Variants in UGT1A8 observed in about 807,000 individuals in gnomAD.
The protein encoded by UGT1A8 is UDP-glucuronosyltransferase 1A8.
UGT1A8 carries 39 observed loss-of-function variants against 45.3 expected under a neutral mutation model. That is an observed-to-expected ratio of 0.86 (90% confidence interval 0.67 to 1.12). The LOEUF (loss-of-function observed/expected upper bound fraction) is 1.12, where lower values mean the gene tolerates loss of function less well. Among genes scored for constraint, UGT1A8 ranks in the 50% most tolerant of loss-of-function variants. UGT1A8 has a pLI of 0.00. For missense variants in UGT1A8, 719 were observed against 664.9 expected, an observed-to-expected ratio of 1.08 and a Z score of -0.90; for synonymous variants, 275 against 249.2, an observed-to-expected ratio of 1.10 and a Z score of -0.97.
intron 1 of UGT1A8, chr2:233,690,853 CT>C (rs2075018701): frequency 9.4e-7 from 1 of 1,064,618 alleles, no homozygotes; most frequent in Admixed American, 4.9e-5. Flanking sequence ...TTTCTAATAC[CT>C]TCTTAATTTG....
At chr2:233,658,844 G>A (rs909894947) in intron 1 of UGT1A8, among the ~76,000 whole-genome samples, 1 of 152,164 alleles carries the variant, frequency 6.6e-6, no homozygotes, top group Non-Finnish European at 1.5e-5. Flanking sequence ...TGTGAAATAT[G>A]TGATAATTAT....
intron 1 of UGT1A8, among the ~76,000 whole-genome samples, chr2:233,732,038 A>G (rs541263635): frequency 3.5e-4 from 54 of 152,356 alleles, no homozygotes; most frequent in African/African-American, 1.2e-3. Context: ...ATGACCAGTG[A>G]TGATGAGCAT....
Position 233,690,778 on chromosome 2 carries a change from C to T in UGT1A8, c.855+72216C>T, listed in dbSNP as rs80089165. The T allele has an allele frequency of 5.0e-4, 115 of 229,708 alleles. No homozygotes were observed. The African/African-American group carries it at 5.8e-3, about 12-fold the overall frequency. 14.2% of individuals were successfully genotyped at this position (229,708 alleles called of 1,614,324 possible). A position where few individuals can be genotyped will look rare whatever the true frequency, so the allele number is the denominator to read the frequency against. On this transcript the variant is annotated intron_variant, in intron 1 of 4. Coordinates refer to ENST00000373450, the MANE Select transcript of UGT1A8 (RefSeq NM_019076.5). ...GCAGACATACACACACACACACATA[C>T]ACACACACACACACACACACACCAT...
At chr2:233,768,114 G>A (rs763965900) in intron 3 of UGT1A8, 106 bp from the exon 4 acceptor site, 19 of 1,597,766 alleles carry the variant, frequency 1.2e-5, no homozygotes, top group Non-Finnish European at 1.6e-5. Flanking sequence ...TTCTGCAAGG[G>A]CATGTGAGTA....
intron 1 of UGT1A8, among the ~76,000 whole-genome samples, chr2:233,666,349 C>G (rs1325866663): frequency 1.3e-5 from 2 of 152,188 alleles, no homozygotes; most frequent in African/African-American, 4.8e-5. Flanking sequence ...GATAATTCAG[C>G]TATATCATTT....
chr2:233,713,488 C>T (rs758374226), intron 1 of UGT1A8: 11 of 1,613,830 alleles, frequency 6.8e-6, no homozygotes, highest in Admixed American at 5.0e-5. Flanking sequence ...AAGTACCTGT[C>T]GATTCCTGCT....
At chr2:233,640,640 G>A (rs1452873149) in intron 1 of UGT1A8, among the ~76,000 whole-genome samples, 1 of 152,150 alleles carries the variant, frequency 6.6e-6, no homozygotes, top group South Asian at 2.1e-4. Context: ...GGAGAGAACA[G>A]TCTCTTTTTT....
chr2:233,766,840 C>G (rs1430018242), intron 1 of UGT1A8, among the ~76,000 whole-genome samples, 194 bp from the exon 2 acceptor site: 6 of 152,184 alleles, frequency 3.9e-5, no homozygotes, highest in Admixed American at 2.0e-4. Flanking sequence ...AGCAGGAACC[C>G]TTCCTCCTTT....
chr2:233,729,440 A>G (rs2077859052), intron 1 of UGT1A8: 2 of 1,613,960 alleles, frequency 1.2e-6, no homozygotes, highest in Non-Finnish European at 1.7e-6. Context: ...GAAACAGAAC[A>G]TTTTCTGAAG....
At chr2:233,715,759 G>T (rs893076228) in intron 1 of UGT1A8, among the ~76,000 whole-genome samples, 2 of 152,150 alleles carry the variant, frequency 1.3e-5, no homozygotes, top group African/African-American at 4.8e-5. Context: ...GTGACAGAGC[G>T]AGGACCCATC....
chr2:233,747,336 G>C, intron 1 of UGT1A8: 1 of 1,603,642 alleles, frequency 6.2e-7, no homozygotes, highest in South Asian at 1.1e-5. Context: ...GCAGCCACTG[G>C]CTCGCATGCG....
At chr2:233,753,194 GC>G (rs1375850984) in intron 1 of UGT1A8, 1 of 152,080 alleles carries the variant, frequency 6.6e-6, no homozygotes, top group Admixed American at 6.5e-5. Flanking sequence ...TTTTTCAAAA[GC>G]CCTGACAGTC....
At chr2:233,665,469 A>G (rs889508946) in intron 1 of UGT1A8, among the ~76,000 whole-genome samples, 1 of 152,234 alleles carries the variant, frequency 6.6e-6, no homozygotes, top group Non-Finnish European at 1.5e-5. Context: ...GCTGTGGCAA[A>G]GTAGTGCCTT....
In UGT1A8 at chr2:233,647,501, G is replaced by T. The variant is rs1249134541; in HGVS notation, c.855+28939G>T. Among the ~76,000 whole-genome samples the T allele has an allele frequency of 2.0e-5, 3 of 152,196 alleles. No individual in the cohort carries two copies. In the South Asian group the frequency reaches 6.2e-4, roughly 32 times the overall value. On this transcript the variant is annotated intron_variant, in intron 1 of 4. Coordinates refer to ENST00000373450, the MANE Select transcript of UGT1A8 (RefSeq NM_019076.5). ...GTGTTTGGTAGAATTTATCAGTGAA[G>T]TCATCAGAACTTTACCGTTTTGTTT...
intron 1 of UGT1A8, among the ~76,000 whole-genome samples, chr2:233,717,363 T>C (rs2076566761): frequency 6.6e-6 from 1 of 152,216 alleles, no homozygotes; most frequent in Admixed American, 6.5e-5. Context: ...TGGGGAGTTC[T>C]CAAGCCCTTA....
In UGT1A8 at chr2:233,680,430, G is replaced by A. The variant is rs1470427697; in HGVS notation, c.855+61868G>A. Among the ~76,000 whole-genome samples the A allele has an allele frequency of 2.0e-5, 3 of 152,186 alleles. No homozygotes were observed. The East Asian group carries it at 5.8e-4, about 29-fold the overall frequency. ...CAAAATTATTATAGTAGTGTAGTAT[G>A]TACTAGAGGAAAGTGACTAAGCAAA... On this transcript the variant is annotated intron_variant, in intron 1 of 4. Transcript: ENST00000373450.
intron 1 of UGT1A8, chr2:233,637,384 C>T (rs755138913): frequency 1.2e-6 from 2 of 1,610,444 alleles, no homozygotes; most frequent in Non-Finnish European, 1.7e-6. Flanking sequence ...TATGGTAAGT[C>T]ACCTCTCCTT....
chr2:233,674,605 A>G (rs2074289784), intron 1 of UGT1A8, among the ~76,000 whole-genome samples: 1 of 152,042 alleles, frequency 6.6e-6, no homozygotes, highest in Non-Finnish European at 1.5e-5. Context: ...AAAATATGAA[A>G]CATCAAACTA....
chr2:233,707,538 CTTT>C (rs753963758), intron 1 of UGT1A8, among the ~76,000 whole-genome samples: 1 of 126,988 alleles, frequency 7.9e-6, no homozygotes, highest in Non-Finnish European at 1.7e-5. Context: ...TTTGTCTTGC[CTTT>C]TTTTTTTTTT....
Sources: allele counts gnomAD v4.1 joint callset (sites outside exome capture counted in the v4.1 genomes callset), GRCh38; gene constraint gnomAD v4.1.1; transcripts MANE v1.5; gene names NCBI Gene and HGNC (gene_info 2026-07-23, HGNC 2026-07-21).